Variants in STARD9 observed in about 807,000 individuals in gnomAD.
STARD9 encodes stAR-related lipid transfer protein 9.
Under a neutral mutation model 399.8 loss-of-function variants are expected in STARD9, and 346 were observed. The observed-to-expected ratio is 0.87, with a 90% CI of 0.79 to 0.95. The LOEUF is 0.95. Ranked by LOEUF, STARD9 falls within the 40% of genes least tolerant of loss-of-function variation. The pLI is 0.00. For synonymous variants in STARD9, 2,203 were observed against 2,143.5 expected (o/e 1.03, Z -0.77); for missense variants, 5,832 against 5,667.5 (o/e 1.03, Z -0.93).
At chr15:42,612,481 A>G (rs1270590756) in intron 3 of STARD9, among the ~76,000 whole-genome samples, 1 of 152,240 alleles carries the variant, frequency 6.6e-6, no homozygotes, top group Non-Finnish European at 1.5e-5. Flanking sequence ...GGGAACGGCA[A>G]GAACTTAGAG....
At chr15:42,584,140 A>G (rs563992576) in intron 2 of STARD9, among the ~76,000 whole-genome samples, 2 of 152,048 alleles carry the variant, frequency 1.3e-5, no homozygotes, top group South Asian at 2.1e-4. Flanking sequence ...GACTTTTGCT[A>G]TAGTCAGCTT....
At chr15:42,709,018 G>A (rs1020255658) in intron 26 of STARD9, among the ~76,000 whole-genome samples, 2 of 152,178 alleles carry the variant, frequency 1.3e-5, no homozygotes, top group African/African-American at 4.8e-5. Context: ...ATACCGACAT[G>A]TCCTGTTTCT....
intron 3 of STARD9, among the ~76,000 whole-genome samples, chr15:42,601,457 C>T (rs2058625194): frequency 1.3e-5 from 2 of 151,092 alleles, no homozygotes; most frequent in Non-Finnish European, 3.0e-5. Context: ...GAGGCGCCCC[C>T]CAACCTCCCA....
rs2060704893 is a variant in STARD9 at position 42,691,600 on chromosome 15, G to A, written c.10022G>A (p.Ser3341Asn). The change falls in exon 23 of 33, where the codon AGT becomes AAT. Residue 3341 changes from serine to asparagine, a missense_variant. Ser to Asn is a conservative substitution (Grantham distance 46). Transcript: ENST00000290607. Reference protein sequence around the residue: ...SSRSLQELNLSVEPPSPTDED... With the variant: ...SSRSLQELNLNVEPPSPTDED... ...CGTTCTCTTCAGGAGCTGAACTTGA[G>A]TGTGGAGCCTCCTTCCCCTACAGAC... 9 of 1,537,252 alleles carry A rather than the reference G, an allele frequency of 5.9e-6. No individual in the cohort carries two copies. Among genetic ancestry groups the A allele is most frequent in the Non-Finnish European group, 7.0e-6 (8 of 1,146,912 alleles).
intron 30 of STARD9, 68 bp downstream of exon 30, chr15:42,718,247 G>T (rs2061388181): frequency 2.8e-6 from 4 of 1,434,510 alleles, no homozygotes; most frequent in Middle Eastern, 2.0e-4. Context: ...TCTTGCTGGG[G>T]GATAGAGGTG....
intron 3 of STARD9, among the ~76,000 whole-genome samples, chr15:42,619,884 A>G (rs1226453645): frequency 6.6e-6 from 1 of 152,206 alleles, no homozygotes; most frequent in Non-Finnish European, 1.5e-5. Context: ...TGTTGAGCTA[A>G]TCAATGGCTA....
In STARD9 at chr15:42,694,071, G is replaced by A; in HGVS notation, c.12493G>A (p.Ala4165Thr). ...GGACATGACTGAGGAGGAGCTGGGG[G>A]CCAGCGGTGATCTCAGCTCTGAAAA... is the stretch of plus-strand genomic sequence containing the variant. Reference protein sequence around the residue: ...GLDMTEEELGASGDLSSEKQE... With the variant: ...GLDMTEEELGTSGDLSSEKQE... The change falls in exon 23 of 33, where the codon GCC (alanine) becomes ACC (threonine). Residue 4165 changes from alanine to threonine, a missense_variant. Physicochemically the swap from Ala to Thr is moderately conservative, Grantham distance 58. Coordinates refer to ENST00000290607, the MANE Select transcript of STARD9 (RefSeq NM_020759.3). The A allele has an allele frequency of 1.3e-6, 2 of 1,536,878 alleles. No individual in the cohort carries two copies. Among genetic ancestry groups the A allele is most frequent in the Non-Finnish European group, 1.7e-6 (2 of 1,146,804 alleles).
chr15:42,663,223 T>G, intron 11 of STARD9, 58 bp from the exon 12 acceptor site: 1 of 1,427,236 alleles, frequency 7.0e-7, no homozygotes, highest in Non-Finnish European at 9.4e-7. Flanking sequence ...TTGTTTTGTT[T>G]TAATATATTT....
At chr15:42,670,474 G>T (rs1038188580) in intron 16 of STARD9, 12 of 152,200 alleles carry the variant, frequency 7.9e-5, no homozygotes, top group Non-Finnish European at 1.6e-4. Flanking sequence ...TCATCAATGT[G>T]TTCTACTGTG....
intron 3 of STARD9, among the ~76,000 whole-genome samples, chr15:42,633,761 G>A (rs772158751): frequency 6.6e-5 from 10 of 150,984 alleles, no homozygotes; most frequent in East Asian, 1.9e-4. Flanking sequence ...TCCTGCCTCC[G>A]CTTCCCAAGT....
In STARD9 at chr15:42,589,985, G is replaced by A. The variant is rs144619496; in HGVS notation, c.234+4348G>A. Among the ~76,000 whole-genome samples the A allele has an allele frequency of 4.3e-3, 563 of 132,078 alleles. 7 individuals are homozygous for A. The highest frequency in any genetic ancestry group is 0.015 in the African/African-American group (526 of 34,556). The allele number at this position is 132,078 out of a possible 152,430, so 86.6% of individuals were successfully genotyped here. On this transcript the variant is annotated intron_variant, in intron 3 of 32. Transcript: ENST00000290607. ...TTTTTTTTTTTTTTTTGTTGAGACCGGGTCTCGCTCTGTCACTCAGGCTGG... is the reference window on the plus strand; with the variant it reads ...TTTTTTTTTTTTTTTTGTTGAGACCAGGTCTCGCTCTGTCACTCAGGCTGG...
chr15:42,674,422 GC>G lies in STARD9; in HGVS notation c.1498-17del, dbSNP rs550193589. 4.9e-3 allele frequency: 7,549 copies of G among 1,534,492 alleles called. 37 individuals carry two copies. The highest frequency in any genetic ancestry group is 0.017 in the South Asian group (1,447 of 83,998). On this transcript the variant is annotated splice_polypyrimidine_tract_variant and intron_variant, in intron 16 of 32. Transcript: ENST00000290607. Reference sequence around the variant, plus strand: ...GTCCCTTTTAATTCTCATTAAAATGGCTTTTTTCCCCCTTTAGGAAGGGACA... The same window carrying G: ...GTCCCTTTTAATTCTCATTAAAATGGTTTTTTCCCCCTTTAGGAAGGGACA...
At chr15:42,594,998 A>T (rs1016606767) in intron 3 of STARD9, among the ~76,000 whole-genome samples, 1 of 152,150 alleles carries the variant, frequency 6.6e-6, no homozygotes, top group Non-Finnish European at 1.5e-5. Context: ...ATAACAAGTG[A>T]TCTGTTATCT....
rs533052798 is a variant in STARD9, at chr15:42,710,476, T to C, written c.13285-6201T>C. Reference sequence around the variant, plus strand: ...GACATTTTCATTACCCCCCTAGTTATTCCCTAAATTCACCATTCCCCAGCC... The same window carrying C: ...GACATTTTCATTACCCCCCTAGTTACTCCCTAAATTCACCATTCCCCAGCC... On this transcript the variant is annotated intron_variant, in intron 26 of 32. Coordinates refer to ENST00000290607, the MANE Select transcript of STARD9 (RefSeq NM_020759.3). 2.0e-5 allele frequency among the ~76,000 whole-genome samples: 3 copies of C among 152,296 alleles called. No homozygotes were observed. In the East Asian group the frequency reaches 5.8e-4, roughly 29 times the overall value.
intron 3 of STARD9, among the ~76,000 whole-genome samples, chr15:42,609,586 C>T (rs995144006): frequency 1.5e-4 from 23 of 151,780 alleles, no homozygotes; most frequent in Non-Finnish European, 1.0e-4. Flanking sequence ...ACTACAGGCA[C>T]GCGCCACCAC....
intron 16 of STARD9, chr15:42,671,949 T>C (rs2060211739): frequency 6.6e-6 from 1 of 152,220 alleles, no homozygotes; most frequent in South Asian, 2.1e-4. Flanking sequence ...GCTGGACTGC[T>C]GATTTTCATT....
intron 3 of STARD9, among the ~76,000 whole-genome samples, chr15:42,588,070 G>C (rs889251896): frequency 6.6e-6 from 1 of 152,198 alleles, no homozygotes; most frequent in Non-Finnish European, 1.5e-5. Context: ...GAAAGTATGA[G>C]CATTCTGATA....
chr15:42,636,744 AG>A (rs2059425236), intron 4 of STARD9, among the ~76,000 whole-genome samples: 1 of 152,120 alleles, frequency 6.6e-6, no homozygotes, highest in East Asian at 1.9e-4. Context: ...TCCTGTGTTT[AG>A]TGTGATTTCA....
chr15:42,636,681 T>G (rs982308761), intron 4 of STARD9, among the ~76,000 whole-genome samples: 3 of 152,222 alleles, frequency 2.0e-5, no homozygotes, highest in Non-Finnish European at 2.9e-5. Context: ...AGGACATGAT[T>G]CCTCTTAGAT....
Sources: allele counts gnomAD v4.1 joint callset (sites outside exome capture counted in the v4.1 genomes callset), GRCh38; gene constraint gnomAD v4.1.1; transcripts MANE v1.5; gene names NCBI Gene and HGNC (gene_info 2026-07-23, HGNC 2026-07-21).